The following TNPO3 variants were observed in gnomAD, a reference collection of about 807,000 sequenced individuals.
The protein encoded by TNPO3 is transportin-3.
Under a neutral mutation model 122.8 loss-of-function variants are expected in TNPO3, and 65 were observed. The ratio of observed to expected loss-of-function variants is 0.53; its 90% CI spans 0.43 to 0.65. The LOEUF (loss-of-function observed/expected upper bound fraction) is 0.65, where lower values mean the gene tolerates loss of function less well. Among genes scored for constraint, TNPO3 ranks in the 30% least tolerant of loss-of-function variants. TNPO3 has a pLI of 0.00. For missense variants in TNPO3, 850 were observed against 1,136.7 expected (o/e 0.75, Z 3.63); for synonymous variants, 372 against 411.2 (o/e 0.90, Z 1.15).
intron 4 of TNPO3, among the ~76,000 whole-genome samples, chr7:129,010,435 T>C (rs1277117816): frequency 6.6e-6 from 1 of 152,190 alleles, no homozygotes; most frequent in Non-Finnish European, 1.5e-5. Flanking sequence ...TCCAACGTGC[T>C]GGAATTATAA....
intron 5 of TNPO3, 81 bp from the exon 6 acceptor site, chr7:129,001,315 T>A (rs760692781): frequency 6.1e-6 from 7 of 1,148,004 alleles, no homozygotes; most frequent in African/African-American, 1.5e-5. Context: ...CACCCTAGGG[T>A]TCAATCAACC....
chr7:129,015,050 T>C lies in TNPO3; in HGVS notation c.481A>G (p.Ile161Val). The C allele has an allele frequency of 1.2e-6, 2 of 1,613,284 alleles. No homozygotes were observed. Among genetic ancestry groups the C allele is most frequent in the Admixed American group, 1.7e-5 (1 of 59,630 alleles). The change falls in exon 4 of 23, where the codon ATT (isoleucine) becomes GTT (valine). Residue 161 changes from isoleucine to valine, a missense_variant. Coordinates refer to ENST00000265388, the MANE Select transcript of TNPO3 (RefSeq NM_012470.4). ...PEEVHSRSLR[I>V]GANRRTEIIE... The stretch of plus-strand genomic sequence containing the variant: ...ATTTCTGTGCGCCGATTAGCTCCAA[T>C]TCGTAAGGAACGACTATGTACTTCT...
intron 8 of TNPO3, among the ~76,000 whole-genome samples, chr7:128,994,987 G>T (rs956485834): frequency 1.3e-5 from 2 of 151,928 alleles, no homozygotes; most frequent in East Asian, 3.9e-4. Flanking sequence ...TTTTATAGAG[G>T]TAAGGTCTCA....
chr7:129,015,553 G>A (rs949501233), intron 3 of TNPO3, among the ~76,000 whole-genome samples: 3 of 152,146 alleles, frequency 2.0e-5, no homozygotes, highest in Non-Finnish European at 4.4e-5. Context: ...CAGGGTTAAG[G>A]GCCAGTTGTG....
chr7:128,972,318 A>C, intron 19 of TNPO3, 108 bp downstream of exon 19: 1 of 1,262,640 alleles, frequency 7.9e-7, no homozygotes, highest in Non-Finnish European at 1.1e-6. Flanking sequence ...ATGTCTACCA[A>C]TATAGATCAA....
At chr7:129,031,003 G>A (rs1805868397) in intron 1 of TNPO3, among the ~76,000 whole-genome samples, 1 of 152,210 alleles carries the variant, frequency 6.6e-6, no homozygotes, top group South Asian at 2.1e-4. Flanking sequence ...ATAAGAGAGA[G>A]CCGGGTGCAG....
intron 4 of TNPO3, among the ~76,000 whole-genome samples, chr7:129,006,235 T>TA (rs1182704543): frequency 6.6e-6 from 1 of 152,222 alleles, no homozygotes; most frequent in African/African-American, 2.4e-5. Flanking sequence ...AGAAATAACT[T>TA]ACTAATTTCT....
chr7:129,037,017 C>G (rs982079435), intron 1 of TNPO3, among the ~76,000 whole-genome samples: 1 of 152,054 alleles, frequency 6.6e-6, no homozygotes, highest in African/African-American at 2.4e-5. Flanking sequence ...GTGAAAAAGG[C>G]TAAGACACAT....
At chr7:128,999,772 C>A (rs185651922) in intron 7 of TNPO3, among the ~76,000 whole-genome samples, 311 of 152,290 alleles carry the variant, frequency 2.0e-3, no homozygotes, top group Admixed American at 6.9e-3. Flanking sequence ...GCCACCACGC[C>A]TGACTAATTT....
chr7:129,010,928 CA>C (rs34945917), intron 4 of TNPO3, among the ~76,000 whole-genome samples: 94,739 of 147,898 alleles, frequency 0.64, 30,082 homozygotes, highest in Middle Eastern at 0.7. Flanking sequence ...TCTATATCTA[CA>C]AAAAAAAAAA....
chr7:128,969,744 T>C (rs1444181784), intron 20 of TNPO3, among the ~76,000 whole-genome samples: 1 of 152,264 alleles, frequency 6.6e-6, no homozygotes, highest in Non-Finnish European at 1.5e-5. Context: ...CCAAATGTTC[T>C]GGCTAGATGT....
chr7:129,015,679 T>C (rs1431758187), intron 3 of TNPO3, among the ~76,000 whole-genome samples: 1 of 151,798 alleles, frequency 6.6e-6, no homozygotes, highest in Non-Finnish European at 1.5e-5. Context: ...TTCAAAATTT[T>C]TTAATCAGCC....
intron 5 of TNPO3, among the ~76,000 whole-genome samples, 165 bp downstream of exon 5, chr7:129,004,851 G>C (rs1156696817): frequency 6.6e-6 from 1 of 152,156 alleles, no homozygotes; most frequent in Non-Finnish European, 1.5e-5. Context: ...TATTAAAACT[G>C]ATACTTCTAA....
chr7:129,027,578 A>C lies in TNPO3; in HGVS notation c.121-9421T>G, dbSNP rs1584582206. 2.9e-5 allele frequency among the ~76,000 whole-genome samples: 4 copies of C among 138,546 alleles called. 1 individual carries two copies. The highest frequency in any genetic ancestry group is 2.0e-4 in the East Asian group (1 of 4,936). 90.9% of individuals were successfully genotyped at this position (138,546 alleles called of 152,430 possible). On this transcript the variant is annotated intron_variant, in intron 1 of 22. Transcript: ENST00000265388. ...TGTCTCAAAAAAAAAAAAAAAAAAAAAAAAAAAAAAAAACAACACAAAAAA... is the reference window on the plus strand; with the variant it reads ...TGTCTCAAAAAAAAAAAAAAAAAAACAAAAAAAAAAAAACAACACAAAAAA...
At chr7:129,019,058 G>C (rs535092903) in intron 1 of TNPO3, among the ~76,000 whole-genome samples, 2 of 152,226 alleles carry the variant, frequency 1.3e-5, no homozygotes, top group African/African-American at 4.8e-5. Flanking sequence ...TTGGCAAAGT[G>C]CTACACATGT....
chr7:128,973,653 G>T lies in TNPO3; in HGVS notation c.2274-1071C>A, dbSNP rs373685464. 6.3e-4 allele frequency among the ~76,000 whole-genome samples: 85 copies of T among 134,178 alleles called. 2 individuals are homozygous for T. The East Asian group carries it at 0.019, about 31-fold the overall frequency. 88.0% of individuals were successfully genotyped at this position (134,178 alleles called of 152,430 possible). A position where few individuals can be genotyped will look rare whatever the true frequency, so the allele number is the denominator to read the frequency against. On this transcript the variant is annotated intron_variant, in intron 18 of 22. Transcript: ENST00000265388. ...CGGGAGGCTGAGGCAGGAGAATGGCGTGAACCCAGGAGGCAGAGCTTGCAG... is the reference window on the plus strand; with the variant it reads ...CGGGAGGCTGAGGCAGGAGAATGGCTTGAACCCAGGAGGCAGAGCTTGCAG...
chr7:128,969,179 T>C (rs1798211032), intron 20 of TNPO3, among the ~76,000 whole-genome samples: 1 of 152,234 alleles, frequency 6.6e-6, no homozygotes, highest in Admixed American at 6.5e-5. Flanking sequence ...AGTTTTCTGT[T>C]ACTTGGGAAC....
At chr7:128,959,587 C>T (rs759753758) in intron 21 of TNPO3, among the ~76,000 whole-genome samples, 7 of 152,134 alleles carry the variant, frequency 4.6e-5, no homozygotes, top group Admixed American at 6.5e-5. Context: ...AACTTTAGTG[C>T]GATAGGGTGA....
Position 128,990,014 on chromosome 7 carries a change from A to G in TNPO3, c.1445T>C (p.Ile482Thr), listed in dbSNP as rs1205909545. 6.2e-7 allele frequency: 1 copy of G among 1,614,246 alleles called. No individual in the cohort carries two copies. The highest frequency in any genetic ancestry group is 8.5e-7 in the Non-Finnish European group (1 of 1,180,040). The change falls in exon 11 of 23, where the codon ATT (isoleucine) becomes ACT (threonine). Residue 482 changes from isoleucine (I) to threonine (T), a missense_variant. Coordinates refer to ENST00000265388, the MANE Select transcript of TNPO3 (RefSeq NM_012470.4). ...TTCACTCATCTCTCCAACCAATTCAATGCTGGTGTATCGCACAGCCGTATG... is the reference window on the plus strand; with the variant it reads ...TTCACTCATCTCTCCAACCAATTCAGTGCTGGTGTATCGCACAGCCGTATG... Reference protein sequence around the residue: ...TVHTAVRYTSIELVGEMSEVV... With the variant: ...TVHTAVRYTSTELVGEMSEVV...
Sources: gnomAD v4.1 joint callset for allele counts (sites outside exome capture counted in the v4.1 genomes callset) on GRCh38, gnomAD v4.1.1 for gene constraint, MANE v1.5 for transcripts, NCBI Gene and HGNC (gene_info 2026-07-23, HGNC 2026-07-21) for gene names.